Variants in NOL4 observed in about 807,000 individuals in gnomAD.
NOL4 encodes the protein cancer/testis antigen 125.
A neutral mutation model predicts 75.9 loss-of-function variants in NOL4; 17 were observed. That is an observed-to-expected ratio of 0.22 (90% confidence interval 0.15 to 0.34). NOL4 has a LOEUF of 0.34. NOL4 is among the 10% of genes least tolerant of loss of function. The pLI is 1.00. For synonymous variants in NOL4, 292 were observed against 289.9 expected (o/e 1.01, Z -0.07); for missense variants, 614 against 793.5 (o/e 0.77, Z 2.72).
chr18:34,124,862 A>G (rs1212391648), intron 2 of NOL4, among the ~76,000 whole-genome samples: 1 of 151,524 alleles, frequency 6.6e-6, no homozygotes, highest in African/African-American at 2.4e-5. Flanking sequence ...AGCTGAGATC[A>G]TGCCATTTCA....
chr18:33,930,825 AGACAACT>A (rs1479681312), intron 9 of NOL4, among the ~76,000 whole-genome samples: 12 of 152,262 alleles, frequency 7.9e-5, no homozygotes, highest in African/African-American at 2.9e-4. Context: ...GTATATCAGG[AGACAACT>A]TAAAATAGTT....
At chr18:34,029,917 A>G (rs1189716568) in intron 5 of NOL4, among the ~76,000 whole-genome samples, 1 of 152,260 alleles carries the variant, frequency 6.6e-6, no homozygotes, top group Non-Finnish European at 1.5e-5. Flanking sequence ...ATATAGTGAC[A>G]AAAATCTAAA....
At chr18:34,013,638 T>C (rs1294175592) in intron 6 of NOL4, among the ~76,000 whole-genome samples, 5 of 151,968 alleles carry the variant, frequency 3.3e-5, no homozygotes, top group Non-Finnish European at 7.4e-5. Flanking sequence ...CTATTCCCTA[T>C]TGCTAAGTGG....
rs555531961 is a variant in NOL4, at chr18:33,864,793, A to G, written c.1724-11758T>C. Among the ~76,000 whole-genome samples the G allele has an allele frequency of 5.9e-5, 9 of 152,334 alleles. No homozygotes were observed. The South Asian group carries it at 1.9e-3, about 32-fold the overall frequency. ...AGGAAAGAGGTTTAACTGAGCCATAATTCTGCATGCCTGGGGAGGCCCCAG... is the reference window on the plus strand; with the variant it reads ...AGGAAAGAGGTTTAACTGAGCCATAGTTCTGCATGCCTGGGGAGGCCCCAG... On this transcript the variant is annotated intron_variant, in intron 10 of 10. Transcript: ENST00000261592.
chr18:33,942,415 C>T (rs1337943237), intron 9 of NOL4, among the ~76,000 whole-genome samples: 2 of 151,418 alleles, frequency 1.3e-5, no homozygotes, highest in East Asian at 3.9e-4. Flanking sequence ...TACAGATAAC[C>T]CAAGGGAAAG....
chr18:34,128,201 C>T (rs2080470348), intron 2 of NOL4, among the ~76,000 whole-genome samples: 1 of 151,874 alleles, frequency 6.6e-6, no homozygotes, highest in Non-Finnish European at 1.5e-5. Context: ...ATAATAAATG[C>T]ATTTCAAAGA....
intron 9 of NOL4, among the ~76,000 whole-genome samples, chr18:33,913,369 T>A (rs1240384207): frequency 6.6e-6 from 1 of 152,126 alleles, no homozygotes; most frequent in Non-Finnish European, 1.5e-5. Context: ...TGCAAAACCT[T>A]TTTTCTAGTT....
chr18:34,073,752 AAAT>A (rs2077621232), intron 5 of NOL4, among the ~76,000 whole-genome samples: 1 of 152,088 alleles, frequency 6.6e-6, no homozygotes, highest in Non-Finnish European at 1.5e-5. Flanking sequence ...TGAAGCTACA[AAAT>A]AATAGGGATA....
intron 1 of NOL4, among the ~76,000 whole-genome samples, chr18:34,207,866 T>C (rs568456459): frequency 6.6e-6 from 1 of 152,138 alleles, no homozygotes; most frequent in Non-Finnish European, 1.5e-5. Flanking sequence ...TCCACTGAGG[T>C]TTTTAGGCCC....
In NOL4 at chr18:34,224,371, C is replaced by G. The variant is rs1296220860; in HGVS notation, c.-1118G>C. 1.3e-5 allele frequency: 2 copies of G among 152,676 alleles called. No homozygotes were observed. Among genetic ancestry groups the G allele is most frequent in the Non-Finnish European group, 2.9e-5 (2 of 68,420 alleles). 9.5% of individuals were successfully genotyped at this position (152,676 alleles called of 1,614,324 possible). A position where few individuals can be genotyped will look rare whatever the true frequency, so the allele number is the denominator to read the frequency against. ...GTTGTCTATTTTCCCCCTGCCACGT[C>G]ATGGACACCCCCTCCACTGCTCTGA... is the stretch of plus-strand genomic sequence containing the variant. On this transcript the variant is annotated 5_prime_UTR_variant, in exon 1 of 11. The change abolishes an upstream ATG in the 5' untranslated region. Transcript: ENST00000261592.
rs578171822 is a variant in NOL4 at position 34,055,042 on chromosome 18, T to A, written c.773-35441A>T. On this transcript the variant is annotated intron_variant, in intron 5 of 10. Transcript: ENST00000261592. ...TTAAACTACTAACAACTTACTCTAC[T>A]CCTTATTGTCCCTACTTTTATGTTA... Among the ~76,000 whole-genome samples, 3 of 150,972 alleles carry A rather than the reference T, an allele frequency of 2.0e-5. No homozygotes were observed. The East Asian group carries it at 5.8e-4, about 29-fold the overall frequency.
chr18:34,078,873 A>G (rs1442761765), intron 5 of NOL4, among the ~76,000 whole-genome samples: 1 of 152,234 alleles, frequency 6.6e-6, no homozygotes, highest in African/African-American at 2.4e-5. Context: ...AGCTCTAGAT[A>G]TGGTAATTTC....
At chr18:33,895,087 A>C (rs1024304934) in intron 9 of NOL4, among the ~76,000 whole-genome samples, 4 of 152,160 alleles carry the variant, frequency 2.6e-5, no homozygotes, top group Admixed American at 6.6e-5. Context: ...TACCCTATAC[A>C]TTTTAAAATT....
At chr18:33,955,344 C>G (rs2069566292) in intron 8 of NOL4, among the ~76,000 whole-genome samples, 1 of 152,026 alleles carries the variant, frequency 6.6e-6, no homozygotes, top group Non-Finnish European at 1.5e-5. Flanking sequence ...TCTGATCCCT[C>G]TACTGTGAGC....
chr18:33,986,322 T>C (rs1190957358), intron 6 of NOL4, among the ~76,000 whole-genome samples: 1 of 152,098 alleles, frequency 6.6e-6, no homozygotes, highest in Non-Finnish European at 1.5e-5. Flanking sequence ...TAAACCAAAG[T>C]ATAATGTAAA....
At position 33,883,353 on chromosome 18, in the gene NOL4, A is replaced by G. The variant is rs1354354800; in HGVS notation, c.1614T>C (p.Val538=). The change falls in exon 10 of 11, where the codon GTT becomes GTC. Residue 538 remains valine (V), a synonymous_variant. Transcript: ENST00000261592. ...TGTACAGCACGTCCTGTGAGCCTGG[A>G]ACAGCTGATGTTGAGTAAGTGGCCT... The part of the protein sequence containing the change: ...ATQATYSTSA[V]PGSQDVLYIN... 1.9e-6 allele frequency: 3 copies of G among 1,613,360 alleles called. No individual in the cohort carries two copies. The East Asian group carries it at 6.7e-5, about 36-fold the overall frequency.
intron 5 of NOL4, among the ~76,000 whole-genome samples, chr18:34,024,192 A>ATATATATAT (rs1215950663): frequency 1.1e-4 from 8 of 76,178 alleles, no homozygotes; most frequent in Non-Finnish European, 2.0e-4. Flanking sequence ...AAAAAAAAAA[A>ATATATATAT]AAATATATAT....
chr18:33,934,783 A>G (rs1319264229), intron 9 of NOL4, among the ~76,000 whole-genome samples: 1 of 151,898 alleles, frequency 6.6e-6, no homozygotes, highest in African/African-American at 2.4e-5. Flanking sequence ...GATCTTCTAT[A>G]AGACCATGAA....
Position 33,923,386 on chromosome 18 carries a change from AT to A in NOL4, c.1542+19678del, listed in dbSNP as rs561466888. Among the ~76,000 whole-genome samples the A allele has an allele frequency of 9.8e-4, 148 of 151,752 alleles. 1 individual carries two copies. The highest frequency in any genetic ancestry group is 8.6e-4 in the Non-Finnish European group (58 of 67,830). ...ACACCTTAGTCATCATTGAAATAGAATTTTTTTTGCTATTTTATACATATTA... is the reference window on the plus strand; with the variant it reads ...ACACCTTAGTCATCATTGAAATAGAATTTTTTTGCTATTTTATACATATTA... On this transcript the variant is annotated intron_variant, in intron 9 of 10. Coordinates refer to ENST00000261592, the MANE Select transcript of NOL4 (RefSeq NM_003787.5).
Sources: gnomAD v4.1 joint callset for allele counts (sites outside exome capture counted in the v4.1 genomes callset) on GRCh38, gnomAD v4.1.1 for gene constraint, MANE v1.5 for transcripts, NCBI Gene and HGNC (gene_info 2026-07-23, HGNC 2026-07-21) for gene names.